Variants in PRKN observed in about 807,000 individuals in gnomAD.
The protein encoded by PRKN is E3 ubiquitin-protein ligase parkin.
PRKN carries 56 observed loss-of-function variants against 59.5 expected under a neutral mutation model. That is an observed-to-expected ratio of 0.94 (90% CI 0.76 to 1.18). The LOEUF is 1.18. Ranked by LOEUF, PRKN falls within the 50% of genes most tolerant of loss-of-function variation. The probability of loss-of-function intolerance (pLI) is 0.00; values close to 1 mark genes in which losing one functional copy is unlikely to be tolerated. For synonymous variants in PRKN, 250 were observed against 222.1 expected (o/e 1.13, Z -1.12); for missense variants, 657 against 596.4 (o/e 1.10, Z -1.06).
intron 2 of PRKN, among the ~76,000 whole-genome samples, chr6:162,306,046 C>T (rs941366685): frequency 6.6e-6 from 1 of 152,112 alleles, no homozygotes; most frequent in African/African-American, 2.4e-5. Context: ...AACCTTATTA[C>T]ACAATTGGGT....
intron 6 of PRKN, among the ~76,000 whole-genome samples, chr6:161,876,231 G>A (rs929701300): frequency 6.6e-6 from 1 of 152,022 alleles, no homozygotes; most frequent in Non-Finnish European, 1.5e-5. Flanking sequence ...CTATATTACT[G>A]AATATCTCCC....
chr6:161,453,042 G>A (rs73026939), intron 9 of PRKN, among the ~76,000 whole-genome samples: 8 of 152,182 alleles, frequency 5.3e-5, no homozygotes, highest in Non-Finnish European at 8.8e-5. Flanking sequence ...CACATTCTTC[G>A]TGTATTCAAT....
chr6:161,898,882 G>A (rs952665015), intron 6 of PRKN, among the ~76,000 whole-genome samples: 3 of 152,186 alleles, frequency 2.0e-5, no homozygotes, highest in Non-Finnish European at 4.4e-5. Flanking sequence ...GAAGAATCTA[G>A]AAAAGTGATG....
chr6:162,071,660 G>A (rs1470538269), intron 4 of PRKN, among the ~76,000 whole-genome samples: 9 of 150,788 alleles, frequency 6.0e-5, no homozygotes, highest in South Asian at 4.2e-4. Context: ...GCAGTACTGC[G>A]ATCCTGGCAA....
chr6:162,662,999 AG>A (rs1448201224), intron 1 of PRKN, among the ~76,000 whole-genome samples: 14 of 152,168 alleles, frequency 9.2e-5, no homozygotes, highest in Non-Finnish European at 1.8e-4. Context: ...AGATGAAGGC[AG>A]GGGGAAGCAT....
At position 161,396,826 on chromosome 6, in the gene PRKN, A is replaced by G. The variant is rs924893546; in HGVS notation, c.1084-9949T>C. Among the ~76,000 whole-genome samples, 1 of 152,208 alleles carries G rather than the reference A, an allele frequency of 6.6e-6. No individual in the cohort carries two copies. Among genetic ancestry groups the G allele is most frequent in the Non-Finnish European group, 1.5e-5 (1 of 68,036 alleles). ...CTGAATACCTGGGCCCGCCCTGGGC[A>G]ACTTGGGGCAAGGCCAGCTTTGGAA... On this transcript the variant is annotated intron_variant, in intron 9 of 11. Coordinates refer to ENST00000366898, the MANE Select transcript of PRKN (RefSeq NM_004562.3). This position sits in a 1 kb window ranked among gnomAD's most constrained non-coding sequence, Gnocchi z 5.4.
chr6:162,085,118 T>C (rs1779201900), intron 4 of PRKN, among the ~76,000 whole-genome samples: 1 of 149,340 alleles, frequency 6.7e-6, no homozygotes. Context: ...GGGAAACAGA[T>C]GTCTTAAGAG....
intron 1 of PRKN, chr6:162,694,928 C>T (rs1777914743): frequency 6.6e-6 from 1 of 152,158 alleles, no homozygotes; most frequent in Non-Finnish European, 1.5e-5. Flanking sequence ...CTTAGCACCA[C>T]AATAATTATG....
intron 5 of PRKN, among the ~76,000 whole-genome samples, chr6:161,988,523 A>G (rs1257058371): frequency 6.6e-6 from 1 of 151,908 alleles, no homozygotes; most frequent in African/African-American, 2.4e-5. Flanking sequence ...TAAATAAATA[A>G]AAAGAAAAAT....
At chr6:162,557,488 G>A (rs1163308834) in intron 1 of PRKN, among the ~76,000 whole-genome samples, 1 of 151,134 alleles carries the variant, frequency 6.6e-6, no homozygotes, top group Non-Finnish European at 1.5e-5. Context: ...ACTGAATGAT[G>A]GTGGTGTTTT....
chr6:161,350,644 A>T (rs1195330443), intron 11 of PRKN, among the ~76,000 whole-genome samples: 2 of 105,160 alleles, frequency 1.9e-5, no homozygotes, highest in Non-Finnish European at 3.4e-5. Context: ...TTATATTTAA[A>T]ATATATATAT....
rs145437794 is a variant in PRKN at position 162,464,340 on chromosome 6, G to A, written c.8-20867C>T. ...AATTAAATAAATGAACTTTGCCACT[G>A]CCCTGTAATTAAGTGATAAAGATTT... On this transcript the variant is annotated intron_variant, in intron 1 of 11. Transcript: ENST00000366898. 2.5e-3 allele frequency among the ~76,000 whole-genome samples: 373 copies of A among 152,148 alleles called. 6 individuals are homozygous for A. The highest frequency in any genetic ancestry group is 8.7e-3 in the African/African-American group (361 of 41,524).
At chr6:162,529,169 G>A (rs533949805) in intron 1 of PRKN, among the ~76,000 whole-genome samples, 1 of 151,938 alleles carries the variant, frequency 6.6e-6, no homozygotes, top group Non-Finnish European at 1.5e-5. Context: ...CCACTGTGCC[G>A]GTCCATACTT....
At chr6:161,680,993 C>T (rs1348527047) in intron 7 of PRKN, among the ~76,000 whole-genome samples, 1 of 151,854 alleles carries the variant, frequency 6.6e-6, no homozygotes, top group East Asian at 1.9e-4. Flanking sequence ...CAGAGTCTTG[C>T]TCTGTTGCCC....
intron 2 of PRKN, among the ~76,000 whole-genome samples, chr6:162,302,071 T>C (rs981578496): frequency 3.9e-5 from 6 of 152,190 alleles, no homozygotes; most frequent in African/African-American, 9.7e-5. Context: ...TACTTTTCAC[T>C]ATTCCTGTCT....
At chr6:161,850,498 C>T (rs1793382391) in intron 6 of PRKN, among the ~76,000 whole-genome samples, 1 of 146,720 alleles carries the variant, frequency 6.8e-6, no homozygotes, top group South Asian at 2.3e-4. Flanking sequence ...ATCGCTTGAA[C>T]CCGGGAGGCA....
At chr6:162,558,701 T>C (rs9458590) in intron 1 of PRKN, among the ~76,000 whole-genome samples, 46,325 of 150,640 alleles carry the variant, frequency 0.31, 7,509 homozygotes, top group East Asian at 0.49. Context: ...TGCAGTGGAG[T>C]GATCTTAGCC....
chr6:161,739,393 G>A (rs566411427), intron 7 of PRKN, among the ~76,000 whole-genome samples: 5 of 152,154 alleles, frequency 3.3e-5, no homozygotes, highest in South Asian at 4.2e-4. Flanking sequence ...GGGCGACAGC[G>A]AGACTATGCC....
intron 7 of PRKN, among the ~76,000 whole-genome samples, chr6:161,734,591 C>T (rs1356156606): frequency 6.6e-6 from 1 of 152,142 alleles, no homozygotes; most frequent in African/African-American, 2.4e-5. Context: ...ATTTGTTGAG[C>T]TGCGGCAATA....
Sources: gnomAD v4.1 joint callset for allele counts (sites outside exome capture counted in the v4.1 genomes callset) on GRCh38, gnomAD v4.1.1 for gene constraint, Gnocchi (gnomAD v3.1) non-coding constraint, MANE v1.5 for transcripts, NCBI Gene and HGNC (gene_info 2026-07-23, HGNC 2026-07-21) for gene names.